Variants in HCN1 observed in about 807,000 individuals in gnomAD.
The protein encoded by HCN1 is hyperpolarization activated cyclic nucleotide gated potassium channel 1.
In HCN1, 13 loss-of-function variants were observed where a neutral mutation model predicts 78.9. That is an observed-to-expected ratio of 0.16 (90% CI 0.11 to 0.26). The LOEUF is 0.26. Ranked by LOEUF, HCN1 falls within the 10% of genes least tolerant of loss-of-function variation. The probability of loss-of-function intolerance (pLI) is 1.00; values close to 1 mark genes in which losing one functional copy is unlikely to be tolerated. For synonymous variants in HCN1, 552 were observed against 455.5 expected, an observed-to-expected ratio of 1.21 and a Z score of -2.70; for missense variants, 810 against 1,154.3, an observed-to-expected ratio of 0.70 and a Z score of 4.32.
intron 6 of HCN1, among the ~76,000 whole-genome samples, chr5:45,289,736 G>C (rs1348605956): frequency 6.6e-6 from 1 of 152,020 alleles, no homozygotes; most frequent in Non-Finnish European, 1.5e-5. Flanking sequence ...CACTGTATTA[G>C]TTCATTTAAA....
chr5:45,537,173 G>A (rs1001137181), intron 2 of HCN1, among the ~76,000 whole-genome samples: 1 of 152,052 alleles, frequency 6.6e-6, no homozygotes, highest in Non-Finnish European at 1.5e-5. Context: ...TACTGCCTTA[G>A]GCATAAAAAA....
At chr5:45,689,227 C>T (rs1333342162) in intron 1 of HCN1, among the ~76,000 whole-genome samples, 1 of 151,952 alleles carries the variant, frequency 6.6e-6, no homozygotes, top group East Asian at 1.9e-4. Flanking sequence ...CAGCAAACTA[C>T]CATGGCACAT....
At chr5:45,347,828 G>A (rs11950931) in intron 5 of HCN1, among the ~76,000 whole-genome samples, 2 of 151,946 alleles carry the variant, frequency 1.3e-5, no homozygotes, top group Admixed American at 6.6e-5. Flanking sequence ...AAGAAGAAAA[G>A]GAAACAAACA....
chr5:45,358,828 TGTCTAGGAAAGATTAA>T (rs894870885), intron 4 of HCN1, among the ~76,000 whole-genome samples: 42 of 152,082 alleles, frequency 2.8e-4, no homozygotes, highest in Non-Finnish European at 4.9e-4. Flanking sequence ...CGCTTGTCCA[TGTCTAGGAAAGATTAA>T]CAGAGAGTCT....
chr5:45,344,214 T>C (rs1157548393), intron 5 of HCN1, among the ~76,000 whole-genome samples: 1 of 152,116 alleles, frequency 6.6e-6, no homozygotes, highest in African/African-American at 2.4e-5. Context: ...ATCACAAGAA[T>C]AGCAGCATGC....
chr5:45,380,764 T>C (rs140724843), intron 4 of HCN1, among the ~76,000 whole-genome samples: 1 of 152,274 alleles, frequency 6.6e-6, no homozygotes, highest in East Asian at 1.9e-4. Flanking sequence ...TATTCTATTT[T>C]TGTGGCAAAG....
At chr5:45,614,983 A>C (rs1011642860) in intron 2 of HCN1, among the ~76,000 whole-genome samples, 8 of 151,972 alleles carry the variant, frequency 5.3e-5, no homozygotes, top group African/African-American at 1.9e-4. Context: ...AAAAAAAAAA[A>C]ACGTAATTCA....
At chr5:45,614,981 A>G (rs1034063684) in intron 2 of HCN1, among the ~76,000 whole-genome samples, 1 of 151,988 alleles carries the variant, frequency 6.6e-6, no homozygotes, top group African/African-American at 2.4e-5. Flanking sequence ...GAAAAAAAAA[A>G]AAACGTAATT....
chr5:45,648,013 C>A (rs1422698817), intron 1 of HCN1, among the ~76,000 whole-genome samples: 1 of 152,018 alleles, frequency 6.6e-6, no homozygotes. Flanking sequence ...CATTTTCTAA[C>A]CTGTTCAAAG....
intron 2 of HCN1, among the ~76,000 whole-genome samples, chr5:45,606,983 A>G (rs1744737965): frequency 6.6e-6 from 1 of 151,920 alleles, no homozygotes; most frequent in Admixed American, 6.6e-5. Context: ...CTGATTTGAG[A>G]TGTTAGAAAA....
chr5:45,308,060 G>A (rs1027343550), intron 5 of HCN1, among the ~76,000 whole-genome samples: 11 of 152,074 alleles, frequency 7.2e-5, no homozygotes, highest in African/African-American at 2.2e-4. Flanking sequence ...GAATGATTTG[G>A]TGCTGTCCTT....
At chr5:45,583,776 A>T (rs931687245) in intron 2 of HCN1, among the ~76,000 whole-genome samples, 9 of 151,960 alleles carry the variant, frequency 5.9e-5, no homozygotes, top group African/African-American at 1.9e-4. Context: ...ACTTCATTTC[A>T]TTATGTACCC....
chr5:45,359,655 T>C (rs1158827701), intron 4 of HCN1, among the ~76,000 whole-genome samples: 1 of 151,762 alleles, frequency 6.6e-6, no homozygotes, highest in Non-Finnish European at 1.5e-5. Flanking sequence ...TAACTAGCTA[T>C]TTGAAAGTAG....
At position 45,529,545 on chromosome 5, in the gene HCN1, T is replaced by G. The variant is rs543399296; in HGVS notation, c.850-67538A>C. Among the ~76,000 whole-genome samples the G allele has an allele frequency of 8.5e-5, 13 of 152,184 alleles. No homozygotes were observed. The South Asian group carries it at 2.7e-3, about 32-fold the overall frequency. On this transcript the variant is annotated intron_variant, in intron 2 of 7. Coordinates refer to ENST00000303230, the MANE Select transcript of HCN1 (RefSeq NM_021072.4). ...AATCTGCAGGGAAGGCGTTAGAAAT[T>G]AATGATGACTCTGGAAAAATCTAGA...
rs1743274638 is a variant in HCN1 at position 45,548,339 on chromosome 5, T to A, written c.850-86332A>T. Among the ~76,000 whole-genome samples, 3 of 151,884 alleles carry A rather than the reference T, an allele frequency of 2.0e-5. No homozygotes were observed. In the South Asian group the frequency reaches 6.2e-4, roughly 31 times the overall value. On this transcript the variant is annotated intron_variant, in intron 2 of 7. Transcript: ENST00000303230. ...GTAAATGAGTTTTCTAAGCCTAGATTTAACACAAGAAATAAATGATGATCA... is the reference window on the plus strand; with the variant it reads ...GTAAATGAGTTTTCTAAGCCTAGATATAACACAAGAAATAAATGATGATCA...
chr5:45,511,909 A>G (rs1742423974), intron 2 of HCN1, among the ~76,000 whole-genome samples: 1 of 152,104 alleles, frequency 6.6e-6, no homozygotes, highest in African/African-American at 2.4e-5. Flanking sequence ...TATGAAAACT[A>G]TATTTACACA....
Position 45,645,491 on chromosome 5 carries a change from T to C in HCN1, c.543A>G (p.Ala181=), listed in dbSNP as rs776001672. ...TTTPWIIFNV[A]SDTVFLLDLI... ...GGTCCAATAGGAAAACTGTATCTGA[T>C]GCCACATTGAAAATAATCCATGGTG... Residue 181 remains alanine (A), a synonymous_variant, in exon 2 of 8, where the codon GCA becomes GCG. Coordinates refer to ENST00000303230, the MANE Select transcript of HCN1 (RefSeq NM_021072.4). 3 of 1,613,564 alleles carry C rather than the reference T, an allele frequency of 1.9e-6. No homozygotes were observed. The highest frequency in any genetic ancestry group is 8.5e-7 in the Non-Finnish European group (1 of 1,179,696).
chr5:45,338,227 T>C (rs1436468648), intron 5 of HCN1, among the ~76,000 whole-genome samples: 1 of 152,162 alleles, frequency 6.6e-6, no homozygotes, highest in East Asian at 1.9e-4. Context: ...CAAAAGTCAT[T>C]TGTATAAGTT....
intron 4 of HCN1, among the ~76,000 whole-genome samples, chr5:45,379,510 A>G (rs1747761262): frequency 6.6e-6 from 1 of 152,132 alleles, no homozygotes; most frequent in Non-Finnish European, 1.5e-5. Context: ...GTAATGTCCA[A>G]TCTGGTATGA....
Sources: gnomAD v4.1 joint callset for allele counts (sites outside exome capture counted in the v4.1 genomes callset) on GRCh38, gnomAD v4.1.1 for gene constraint, MANE v1.5 for transcripts, NCBI Gene and HGNC (gene_info 2026-07-23, HGNC 2026-07-21) for gene names.